Variants in GPHN observed in about 807,000 individuals in gnomAD.
GPHN encodes gephyrin.
Under a neutral mutation model 95.5 loss-of-function variants are expected in GPHN, and 17 were observed. That is an observed-to-expected ratio of 0.18 (90% CI 0.12 to 0.27). The LOEUF is 0.27. GPHN is among the 10% of genes least tolerant of loss of function. The pLI, the probability that GPHN is intolerant of heterozygous loss-of-function variation, is 1.00. For synonymous variants in GPHN, 320 were observed against 322.5 expected (o/e 0.99, Z 0.08); for missense variants, 660 against 978.1 (o/e 0.67, Z 4.34).
intron 1 of GPHN, among the ~76,000 whole-genome samples, chr14:66,555,510 C>T (rs2059975536): frequency 6.6e-6 from 1 of 152,076 alleles, no homozygotes; most frequent in African/African-American, 2.4e-5. Context: ...GCAACCCACG[C>T]TGCCTTTTGA....
At chr14:67,252,601 T>C in the GPHN span, among the ~76,000 whole-genome samples, 45 of 152,304 alleles carry the variant, frequency 3.0e-4, no homozygotes, top group Middle Eastern at 3.4e-3. Context: ...TTGTGGGATC[T>C]GATTGTAACT....
rs142146517 is a variant in GPHN at position 66,966,231 on chromosome 14, A to G, written c.963+906A>G. 5.7e-3 allele frequency among the ~76,000 whole-genome samples: 861 copies of G among 152,188 alleles called. 3 individuals are homozygous for G. Among genetic ancestry groups the G allele is most frequent in the Middle Eastern group, 0.014 (4 of 294 alleles). ...AGGACCTGTATAGCTGTCTTCCTCA[A>G]TTCCATCTTTTCTATCAGTTTTGTG... On this transcript the variant is annotated intron_variant, in intron 9 of 22. Coordinates refer to ENST00000478722, the MANE Select transcript of GPHN (RefSeq NM_020806.5).
At position 66,956,209 on chromosome 14, in the gene GPHN, T is replaced by G. The variant is rs572882851; in HGVS notation, c.829-8982T>G. ...ATGAAATCTTTCTTCTTTTTAAAAG[T>G]AGATGTTTACAGCTATAAGTTTCCC... is the stretch of plus-strand genomic sequence containing the variant. On this transcript the variant is annotated intron_variant, in intron 8 of 22. Coordinates refer to ENST00000478722, the MANE Select transcript of GPHN (RefSeq NM_020806.5). Among the ~76,000 whole-genome samples the G allele has an allele frequency of 1.6e-3, 245 of 152,316 alleles. 1 individual carries two copies. Among genetic ancestry groups the G allele is most frequent in the Admixed American group, 5.6e-3 (85 of 15,298 alleles).
chr14:67,729,676 A>C, the GPHN span: 2 of 582,560 alleles, frequency 3.4e-6, no homozygotes, highest in Admixed American at 2.3e-5. Context: ...TGCCATGGAG[A>C]TCTGGATCGT....
At chr14:67,295,839 C>T in the GPHN span, among the ~76,000 whole-genome samples, 1 of 151,832 alleles carries the variant, frequency 6.6e-6, no homozygotes, top group Non-Finnish European at 1.5e-5. Context: ...ATACTGTGAC[C>T]CAGCAATTTC....
At chr14:67,036,538 C>CAGAG in intron 10 of GPHN, among the ~76,000 whole-genome samples, 1 of 149,934 alleles carries the variant, frequency 6.7e-6, no homozygotes, top group African/African-American at 2.4e-5. Flanking sequence ...CACACACACA[C>CAGAG]ACAGAGAAAC....
intron 9 of GPHN, among the ~76,000 whole-genome samples, chr14:67,022,022 T>C (rs1354660216): frequency 6.6e-6 from 1 of 152,148 alleles, no homozygotes; most frequent in African/African-American, 2.4e-5. Context: ...TCTAGCTTTC[T>C]CTTGTGTTCT....
intron 5 of GPHN, among the ~76,000 whole-genome samples, chr14:66,890,512 G>A (rs1258915763): frequency 1.3e-5 from 2 of 151,456 alleles, no homozygotes; most frequent in Non-Finnish European, 2.9e-5. Flanking sequence ...AAGAACAACT[G>A]ACACTGGTTG....
At chr14:67,624,580 G>A in the GPHN span, among the ~76,000 whole-genome samples, 228 of 152,184 alleles carry the variant, frequency 1.5e-3, no homozygotes, top group African/African-American at 5.3e-3. Context: ...ACTTTTAACC[G>A]GATCTCATGA....
chr14:66,817,916 G>C (rs2061043057), intron 3 of GPHN, among the ~76,000 whole-genome samples: 1 of 152,124 alleles, frequency 6.6e-6, no homozygotes, highest in East Asian at 1.9e-4. Flanking sequence ...ATCCAGCCCA[G>C]TTGCAAGGGT....
chr14:67,331,415 ACT>A, the GPHN span, among the ~76,000 whole-genome samples: 1 of 151,664 alleles, frequency 6.6e-6, no homozygotes, highest in Non-Finnish European at 1.5e-5. Context: ...TTCAATTTTA[ACT>A]CTATAAAATT....
chr14:67,523,511 G>A, the GPHN span, among the ~76,000 whole-genome samples: 1 of 152,110 alleles, frequency 6.6e-6, no homozygotes, highest in Admixed American at 6.5e-5. Flanking sequence ...GAAGATGAGA[G>A]CAATGCAAGA....
intron 1 of GPHN, among the ~76,000 whole-genome samples, chr14:66,594,416 C>G (rs768502083): frequency 1.1e-4 from 16 of 152,136 alleles, no homozygotes; most frequent in Admixed American, 3.3e-4. Context: ...CTTTGAAAAT[C>G]TACTACAAAG....
intron 10 of GPHN, among the ~76,000 whole-genome samples, 154 bp from the exon 11 acceptor site, chr14:67,058,495 G>A (rs2075691229): frequency 6.6e-6 from 1 of 152,220 alleles, no homozygotes; most frequent in Non-Finnish European, 1.5e-5. Flanking sequence ...TTCCACCAGA[G>A]CAGGCTGTAT....
intron 5 of GPHN, among the ~76,000 whole-genome samples, chr14:66,890,930 T>C (rs972227475): frequency 1.1e-4 from 17 of 152,178 alleles, no homozygotes; most frequent in African/African-American, 4.1e-4. Context: ...GGAAACTACC[T>C]TAATGTGAAA....
At chr14:66,770,696 C>T (rs1158971376) in intron 2 of GPHN, among the ~76,000 whole-genome samples, 1 of 152,056 alleles carries the variant, frequency 6.6e-6, no homozygotes, top group Non-Finnish European at 1.5e-5. Context: ...CCGTAGTAGT[C>T]CCCCCATCCA....
At chr14:67,578,775 G>A in the GPHN span, 5 of 675,376 alleles carry the variant, frequency 7.4e-6, no homozygotes, top group Admixed American at 4.2e-5. This position sits in a 1 kb window ranked among gnomAD's most constrained non-coding sequence, Gnocchi z 5.0. Context: ...ACCCATTGCC[G>A]TGTGCACAAA....
At position 66,965,304 on chromosome 14, in the gene GPHN, A is replaced by G. The variant is rs768034134; in HGVS notation, c.942A>G (p.Thr314=). Residue 314 remains threonine, a synonymous_variant, in exon 9 of 23, where the codon ACA becomes ACG. Transcript: ENST00000478722. ...CTCAGGCTACATCTCGCCTCTCTACAGCTTCCTGCCCAACACCAAAAGTAA... is the reference window on the plus strand; with the variant it reads ...CTCAGGCTACATCTCGCCTCTCTACGGCTTCCTGCCCAACACCAAAAGTAA... ...PRAQATSRLS[T]ASCPTPKVQS... The G allele has an allele frequency of 1.2e-6, 2 of 1,613,764 alleles. No homozygotes were observed. Among genetic ancestry groups the G allele is most frequent in the Middle Eastern group, 1.6e-4 (1 of 6,062 alleles).
chr14:66,784,251 A>T (rs1166783318), intron 3 of GPHN, among the ~76,000 whole-genome samples: 2 of 152,334 alleles, frequency 1.3e-5, no homozygotes, highest in East Asian at 3.9e-4. Flanking sequence ...GGGGCAACAG[A>T]CGGAAGTGGC....
Sources: gnomAD v4.1 joint callset for allele counts (sites outside exome capture counted in the v4.1 genomes callset) on GRCh38, gnomAD v4.1.1 for gene constraint, Gnocchi (gnomAD v3.1) non-coding constraint, MANE v1.5 for transcripts, NCBI Gene and HGNC (gene_info 2026-07-23, HGNC 2026-07-21) for gene names.